Variants in SGCD observed in about 807,000 individuals in gnomAD.
SGCD encodes the protein sarcoglycan delta, also known as delta-sarcoglycan.
SGCD carries 18 observed loss-of-function variants against 36.6 expected under a neutral mutation model. The ratio of observed to expected loss-of-function variants is 0.49; its 90% CI spans 0.34 to 0.73. The LOEUF (loss-of-function observed/expected upper bound fraction) is 0.73. SGCD is among the 30% of genes least tolerant of loss of function. The pLI is 0.01. For synonymous variants in SGCD, 133 were observed against 130.6 expected (o/e 1.02, Z -0.12); for missense variants, 387 against 346.7 (o/e 1.12, Z -0.92).
chr5:156,090,033 G>A (rs1761202434), intron 1 of SGCD, among the ~76,000 whole-genome samples: 1 of 152,150 alleles, frequency 6.6e-6, no homozygotes, highest in Non-Finnish European at 1.5e-5. Context: ...GAAGGTCCCT[G>A]ACATCTCTGC....
intron 3 of SGCD, among the ~76,000 whole-genome samples, chr5:156,422,510 G>T (rs964630071): frequency 6.6e-6 from 1 of 152,022 alleles, no homozygotes; most frequent in African/African-American, 2.4e-5. Context: ...CACTTGAAAT[G>T]CAGAAGGATT....
chr5:156,023,556 T>A (rs1475717123), intron 1 of SGCD, among the ~76,000 whole-genome samples: 1 of 152,190 alleles, frequency 6.6e-6, no homozygotes, highest in Admixed American at 6.5e-5. Context: ...TATGGGTGGC[T>A]TAATAAAATG....
At chr5:155,922,981 C>T (rs1020797172) in intron 1 of SGCD, among the ~76,000 whole-genome samples, 1 of 152,138 alleles carries the variant, frequency 6.6e-6, no homozygotes, top group Non-Finnish European at 1.5e-5. Context: ...GTCCTATTAG[C>T]ATAACCATAC....
At chr5:156,515,893 G>T (rs1463710192) in intron 4 of SGCD, among the ~76,000 whole-genome samples, 1 of 152,262 alleles carries the variant, frequency 6.6e-6, no homozygotes, top group Non-Finnish European at 1.5e-5. Context: ...CAACACAGCA[G>T]CTGTAGCAGA....
intron 4 of SGCD, among the ~76,000 whole-genome samples, chr5:156,550,540 T>C (rs955173765): frequency 6.6e-6 from 1 of 152,176 alleles, no homozygotes; most frequent in Non-Finnish European, 1.5e-5. Context: ...TACACTCAGA[T>C]CCCTTGGTCC....
At chr5:156,070,629 G>A (rs961693800) in intron 1 of SGCD, among the ~76,000 whole-genome samples, 5 of 152,048 alleles carry the variant, frequency 3.3e-5, no homozygotes, top group East Asian at 1.9e-4. Context: ...TTGGTATCAG[G>A]ATGATGCTGG....
At chr5:155,995,338 A>G (rs892404077) in intron 1 of SGCD, among the ~76,000 whole-genome samples, 1 of 152,176 alleles carries the variant, frequency 6.6e-6, no homozygotes, top group African/African-American at 2.4e-5. Flanking sequence ...TTTGAGATTT[A>G]TAACATGTAG....
intron 2 of SGCD, among the ~76,000 whole-genome samples, chr5:156,329,958 A>G (rs1283985470): frequency 1.4e-5 from 2 of 142,722 alleles, no homozygotes; most frequent in Admixed American, 1.5e-4. Context: ...TGGAGCTTGC[A>G]GTGAGCCAAG....
chr5:156,085,781 A>T (rs959632924), intron 1 of SGCD, among the ~76,000 whole-genome samples: 1 of 152,166 alleles, frequency 6.6e-6, no homozygotes, highest in East Asian at 1.9e-4. Context: ...GGTTGCAGGG[A>T]AGGTGATTGC....
chr5:156,276,529 C>T (rs1182225923), intron 3 of SGCD, among the ~76,000 whole-genome samples: 1 of 152,080 alleles, frequency 6.6e-6, no homozygotes, highest in Non-Finnish European at 1.5e-5. Flanking sequence ...TCCTCAGATT[C>T]CCATGTACGA....
chr5:156,258,866 A>G (rs772273558), intron 3 of SGCD, among the ~76,000 whole-genome samples: 1 of 152,222 alleles, frequency 6.6e-6, no homozygotes, highest in Middle Eastern at 3.4e-3. Context: ...GATAATTACC[A>G]TATAAACAAA....
chr5:156,138,179 T>A (rs1581122638), intron 3 of SGCD, among the ~76,000 whole-genome samples: 1 of 152,198 alleles, frequency 6.6e-6, no homozygotes, highest in East Asian at 1.9e-4. Context: ...GGTGGGCAGA[T>A]CACTTGAGAC....
At chr5:156,096,544 G>A (rs2127595631) in intron 1 of SGCD, among the ~76,000 whole-genome samples, 1 of 152,236 alleles carries the variant, frequency 6.6e-6, no homozygotes, top group Non-Finnish European at 1.5e-5. Context: ...CTGGTGAATG[G>A]GCTGACACAA....
intron 3 of SGCD, among the ~76,000 whole-genome samples, chr5:156,426,906 A>T (rs376025438): frequency 2.0e-4 from 30 of 152,102 alleles, no homozygotes; most frequent in African/African-American, 6.7e-4. Flanking sequence ...GTCTGTGTTC[A>T]TATTTTTATA....
chr5:156,307,412 C>T (rs1206742956), intron 3 of SGCD, among the ~76,000 whole-genome samples: 4 of 152,276 alleles, frequency 2.6e-5, no homozygotes, highest in Middle Eastern at 3.4e-3. Context: ...GACAGCATAA[C>T]ATTAGATCAC....
chr5:156,713,416 G>A (rs897592120), intron 7 of SGCD, among the ~76,000 whole-genome samples: 17 of 148,838 alleles, frequency 1.1e-4, no homozygotes, highest in Non-Finnish European at 2.1e-4. Context: ...ATGTCGGGGG[G>A]GGCGTTATAG....
chr5:156,153,021 G>T (rs1762866737), intron 3 of SGCD, among the ~76,000 whole-genome samples: 1 of 151,554 alleles, frequency 6.6e-6, no homozygotes, highest in African/African-American at 2.4e-5. Context: ...ATTTTTCAAA[G>T]ACTTTAAATG....
intron 1 of SGCD, among the ~76,000 whole-genome samples, chr5:156,079,289 C>A (rs534797406): frequency 6.6e-6 from 1 of 152,222 alleles, no homozygotes; most frequent in African/African-American, 2.4e-5. Flanking sequence ...GGCCCCACCT[C>A]CAATACTGAT....
rs1452243364 is a variant in SGCD, at chr5:155,959,085, A to G, written c.-282+88661A>G. On this transcript the variant is annotated intron_variant, in intron 1 of 9. Coordinates refer to the SGCD transcript ENST00000517913. ...ACATCAACAAATGTAATTCAAGGTC[A>G]TGCAAAACACAAGTTTATTACAAAC... is the stretch of plus-strand genomic sequence containing the variant. Among the ~76,000 whole-genome samples, 6 of 152,140 alleles carry G rather than the reference A, an allele frequency of 3.9e-5. No individual in the cohort carries two copies. In the East Asian group the frequency reaches 1.2e-3, roughly 29 times the overall value.
Sources: allele counts gnomAD v4.1 joint callset (sites outside exome capture counted in the v4.1 genomes callset), GRCh38; gene constraint gnomAD v4.1.1; transcripts MANE v1.5; gene names NCBI Gene and HGNC (gene_info 2026-07-23, HGNC 2026-07-21).